Variants in DPPA3 observed in about 807,000 individuals in gnomAD.
DPPA3 encodes the protein developmental pluripotency-associated protein 3.
In DPPA3, 9 loss-of-function variants were observed where a neutral mutation model predicts 15.6. The ratio of observed to expected loss-of-function variants is 0.58; its 90% CI spans 0.35 to 1.01. DPPA3 has a LOEUF of 1.01. Ranked by LOEUF, DPPA3 falls within the 50% of genes least tolerant of loss-of-function variation. The pLI, the probability that DPPA3 is intolerant of heterozygous loss-of-function variation, is 0.02. For missense variants in DPPA3, 148 were observed against 194.6 expected, an observed-to-expected ratio of 0.76 and a Z score of 1.42; for synonymous variants, 61 against 70.9, an observed-to-expected ratio of 0.86 and a Z score of 0.70.
chr12:7,711,792 A>G, intron 1 of DPPA3, 140 bp downstream of exon 1: 5 of 711,242 alleles, frequency 7.0e-6, no homozygotes, highest in Non-Finnish European at 1.1e-5. Context: ...ATTTAGGTAA[A>G]CCTCAAACCA....
chr12:7,711,920 CTT>C (rs71038727), intron 1 of DPPA3, among the ~76,000 whole-genome samples: 3 of 127,984 alleles, frequency 2.3e-5, no homozygotes, highest in Non-Finnish European at 3.2e-5. Flanking sequence ...CTTTTTTTTT[CTT>C]TTTTTTTTTT....
In DPPA3 at chr12:7,716,199, A is replaced by G. The variant is rs1374414555; in HGVS notation, c.329A>G (p.His110Arg). 4 of 1,605,492 alleles carry G rather than the reference A, an allele frequency of 2.5e-6. No homozygotes were observed. Among genetic ancestry groups the G allele is most frequent in the Non-Finnish European group, 2.6e-6 (3 of 1,175,444 alleles). The change falls in exon 3 of 4, where the codon CAT (histidine) becomes CGT (arginine). Residue 110 changes from histidine to arginine, a missense_variant and splice_region_variant. By Grantham distance (29) the His-to-Arg change is conservative (BLOSUM62 0). Coordinates refer to ENST00000345088, the MANE Select transcript of DPPA3 (RefSeq NM_199286.4). ...RYMLLGGVRT[H>R]ERRPTNKEPK... ...TAAACATATTTTTTTCCCATGAAGC[A>G]TGAAAGAAGACCAACAAACAAGGAG...
intron 1 of DPPA3, among the ~76,000 whole-genome samples, chr12:7,712,068 A>C (rs2136890396): frequency 9.9e-5 from 2 of 20,270 alleles, no homozygotes; most frequent in African/African-American, 1.7e-4. Context: ...GGCGCCCGCC[A>C]CCGCGCCCGT....
chr12:7,716,907 C>G, intron 3 of DPPA3, 60 bp from the exon 4 acceptor site: 1 of 1,409,950 alleles, frequency 7.1e-7, no homozygotes. Flanking sequence ...TAGTTGAGGG[C>G]TTATTACATT....
intron 1 of DPPA3, among the ~76,000 whole-genome samples, chr12:7,714,830 A>C (rs1389133215): frequency 1.3e-5 from 2 of 151,876 alleles, no homozygotes; most frequent in Admixed American, 1.3e-4. Context: ...CTCCTGCCTC[A>C]GCCTCCCAAG....
intron 1 of DPPA3, 63 bp from the exon 2 acceptor site, chr12:7,715,120 C>T (rs1220796930): frequency 1.9e-6 from 3 of 1,608,424 alleles, no homozygotes; most frequent in Non-Finnish European, 2.5e-6. Context: ...TAAGGGCAGA[C>T]CTAGTTGATG....
intron 1 of DPPA3, among the ~76,000 whole-genome samples, chr12:7,713,714 G>C (rs776168117): frequency 6.6e-6 from 1 of 152,154 alleles, no homozygotes; most frequent in African/African-American, 2.4e-5. Flanking sequence ...CACTTACTTC[G>C]ACTGCCCAGT....
intron 1 of DPPA3, among the ~76,000 whole-genome samples, chr12:7,714,572 G>A (rs762602613): frequency 6.6e-6 from 1 of 152,058 alleles, no homozygotes; most frequent in Admixed American, 6.6e-5. Flanking sequence ...GGAGTGCAGT[G>A]GCGCAACCTG....
At position 7,716,830 on chromosome 12, in the gene DPPA3, T is replaced by C; in HGVS notation, c.370-137T>C. ...CTTTTTTTCTCCTAAAATGTTTTGC[T>C]TTTGGCCCGTGTGTCCTTTTTTGTG... On this transcript the variant is annotated intron_variant, in intron 3 of 3. Coordinates refer to ENST00000345088, the MANE Select transcript of DPPA3 (RefSeq NM_199286.4). The C allele has an allele frequency of 3.9e-6, 3 of 777,858 alleles. No homozygotes were observed. The South Asian group carries it at 4.9e-5, about 13-fold the overall frequency. 48.2% of individuals were successfully genotyped at this position (777,858 alleles called of 1,614,324 possible).
At chr12:7,711,690 AG>A (rs1486000495) in intron 1 of DPPA3, 38 bp downstream of exon 1, 8 of 1,074,534 alleles carry the variant, frequency 7.4e-6, no homozygotes, top group Admixed American at 4.3e-5. Flanking sequence ...ATCTGACTAT[AG>A]GGGGGTTGGG....
rs1195162921 is a variant in DPPA3 at position 7,711,462 on chromosome 12, C to T, written c.-109C>T. 19 of 941,714 alleles carry T rather than the reference C, an allele frequency of 2.0e-5. 1 individual carries two copies. The highest frequency in any genetic ancestry group is 2.6e-5 in the Non-Finnish European group (17 of 642,270). The allele number at this position is 941,714 out of a possible 1,614,324, so 58.3% of individuals were successfully genotyped here. A position where few individuals can be genotyped will look rare whatever the true frequency, so the allele number is the denominator to read the frequency against. On this transcript the variant is annotated 5_prime_UTR_variant, in exon 1 of 4. Transcript: ENST00000345088. ...GTTCTTTGACCATTCGTTGGAGCTC[C>T]GGTTTTCAGCCTCTTTCCGGGCTAC... is the stretch of plus-strand genomic sequence containing the variant.
chr12:7,714,370 G>T (rs774459230), intron 1 of DPPA3, among the ~76,000 whole-genome samples: 1 of 152,166 alleles, frequency 6.6e-6, no homozygotes, highest in African/African-American at 2.4e-5. Flanking sequence ...TGTGAAAAAG[G>T]TTAACAGTGT....
chr12:7,717,166 T>C lies in DPPA3; in HGVS notation c.*89T>C. 1 of 830,318 alleles carries C rather than the reference T, an allele frequency of 1.2e-6. No homozygotes were observed. Among genetic ancestry groups the C allele is most frequent in the Non-Finnish European group, 2.0e-6 (1 of 506,794 alleles). 51.4% of individuals were successfully genotyped at this position (830,318 alleles called of 1,614,324 possible). ...TATGCTAGTATAGACTATACACCAA[T>C]AATTTTGATAATGAGTTCTAGGATG... On this transcript the variant is annotated 3_prime_UTR_variant, in exon 4 of 4. Transcript: ENST00000345088.
At chr12:7,715,705 G>C (rs1329922438) in intron 2 of DPPA3, among the ~76,000 whole-genome samples, 1 of 152,124 alleles carries the variant, frequency 6.6e-6, no homozygotes, top group Admixed American at 6.6e-5. Context: ...GCTGAGGCTA[G>C]AGAATTGCTT....
intron 1 of DPPA3, among the ~76,000 whole-genome samples, chr12:7,713,100 C>A (rs748176783): frequency 6.6e-5 from 10 of 152,316 alleles, no homozygotes; most frequent in South Asian, 2.1e-4. Context: ...AGCACCCAAG[C>A]GCGGGCTTGG....
chr12:7,713,866 C>T (rs748146000), intron 1 of DPPA3, among the ~76,000 whole-genome samples: 3 of 152,172 alleles, frequency 2.0e-5, no homozygotes, highest in Non-Finnish European at 2.9e-5. Context: ...AAAGCTAGCT[C>T]AGGGCAGCGT....
At chr12:7,716,926 G>T in intron 3 of DPPA3, 41 bp from the exon 4 acceptor site, 2 of 1,520,586 alleles carry the variant, frequency 1.3e-6, no homozygotes, top group Non-Finnish European at 1.8e-6. Context: ...TTTCTCTGGG[G>T]TACAATATTC....
At chr12:7,711,691 G>C (rs758569019) in intron 1 of DPPA3, 39 bp downstream of exon 1, 4 of 1,282,840 alleles carry the variant, frequency 3.1e-6, no homozygotes, top group African/African-American at 3.1e-5. Flanking sequence ...TCTGACTATA[G>C]GGGGGTTGGG....
chr12:7,716,034 T>A (rs1592081991), intron 2 of DPPA3, among the ~76,000 whole-genome samples, 164 bp from the exon 3 acceptor site: 2 of 151,322 alleles, frequency 1.3e-5, no homozygotes. Context: ...GCCTGGGGGG[T>A]TAAGGCTGCA....
Sources: gnomAD v4.1 joint callset for allele counts (sites outside exome capture counted in the v4.1 genomes callset) on GRCh38, gnomAD v4.1.1 for gene constraint, MANE v1.5 for transcripts, NCBI Gene and HGNC (gene_info 2026-07-23, HGNC 2026-07-21) for gene names.